NRG3: variants seen among roughly 807,000 people sequenced by gnomAD.
NRG3 encodes the protein neuregulin 3, also known as pro-neuregulin-3, membrane-bound isoform.
Under a neutral mutation model 66.9 loss-of-function variants are expected in NRG3, and 31 were observed. The ratio of observed to expected loss-of-function variants is 0.46; its 90% CI spans 0.35 to 0.63. The LOEUF (loss-of-function observed/expected upper bound fraction) is 0.63. Among genes scored for constraint, NRG3 ranks in the 20% least tolerant of loss-of-function variants. The pLI, the probability that NRG3 is intolerant of heterozygous loss-of-function variation, is 0.00. For synonymous variants in NRG3, 393 were observed against 359.4 expected, an observed-to-expected ratio of 1.09 and a Z score of -1.06; for missense variants, 910 against 878.9, an observed-to-expected ratio of 1.04 and a Z score of -0.45.
intron 2 of NRG3, among the ~76,000 whole-genome samples, chr10:82,360,312 C>T (rs144503622): frequency 1.3e-5 from 2 of 152,164 alleles, no homozygotes; most frequent in Non-Finnish European, 2.9e-5. Context: ...TCCTTCAAAG[C>T]GTGATGTGCA....
chr10:82,238,032 T>C (rs2076839390), intron 1 of NRG3, among the ~76,000 whole-genome samples: 1 of 152,204 alleles, frequency 6.6e-6, no homozygotes, highest in South Asian at 2.1e-4. Flanking sequence ...TCTGTAATCA[T>C]AAATTTGAAG....
At chr10:82,498,116 C>T (rs1477361114) in intron 2 of NRG3, among the ~76,000 whole-genome samples, 3 of 148,808 alleles carry the variant, frequency 2.0e-5, no homozygotes, top group African/African-American at 5.0e-5. Flanking sequence ...TGACTTGTGT[C>T]AGTTTTTAAA....
chr10:81,961,825 C>T (rs1850392026), intron 1 of NRG3, among the ~76,000 whole-genome samples: 1 of 152,258 alleles, frequency 6.6e-6, no homozygotes, highest in African/African-American at 2.4e-5. Context: ...TCTCTATGAA[C>T]TTGTCCCACA....
At chr10:82,603,733 CTG>C (rs77496923) in intron 2 of NRG3, among the ~76,000 whole-genome samples, 9,078 of 152,008 alleles carry the variant, frequency 0.06, 353 homozygotes, top group Non-Finnish European at 0.09. Context: ...TTCATGTGAA[CTG>C]TGTTAAAAAG....
chr10:82,386,748 CA>C (rs2135917739), intron 2 of NRG3, among the ~76,000 whole-genome samples: 1 of 152,206 alleles, frequency 6.6e-6, no homozygotes, highest in South Asian at 2.1e-4. Flanking sequence ...TTATTCTAAA[CA>C]CAGGAGTTAG....
intron 1 of NRG3, among the ~76,000 whole-genome samples, chr10:81,994,175 A>G (rs748048644): frequency 9.9e-5 from 15 of 151,916 alleles, no homozygotes; most frequent in Non-Finnish European, 7.4e-5. Flanking sequence ...ATTTTTTACA[A>G]TCAAACATAG....
At chr10:82,908,262 C>T (rs1033311859) in intron 4 of NRG3, among the ~76,000 whole-genome samples, 1 of 152,208 alleles carries the variant, frequency 6.6e-6, no homozygotes, top group African/African-American at 2.4e-5. Context: ...AAGTTTGCAA[C>T]TGGTGCAGGA....
intron 2 of NRG3, among the ~76,000 whole-genome samples, chr10:82,532,198 A>T (rs185784452): frequency 1.0e-3 from 153 of 151,756 alleles, no homozygotes; most frequent in Admixed American, 1.6e-3. Flanking sequence ...TTGTTAACTA[A>T]TGTTGCCCTA....
chr10:82,831,707 G>A (rs986658409), intron 3 of NRG3, among the ~76,000 whole-genome samples: 5 of 152,198 alleles, frequency 3.3e-5, no homozygotes, highest in Admixed American at 2.6e-4. Flanking sequence ...CCAGTTACTC[G>A]GGAGGCTGAG....
At chr10:82,439,499 T>C (rs1420514606) in intron 2 of NRG3, among the ~76,000 whole-genome samples, 1 of 152,028 alleles carries the variant, frequency 6.6e-6, no homozygotes, top group Non-Finnish European at 1.5e-5. Context: ...TTAAATTACC[T>C]TAGGATTTTT....
At chr10:81,970,109 C>A (rs146837161) in intron 1 of NRG3, among the ~76,000 whole-genome samples, 1 of 152,228 alleles carries the variant, frequency 6.6e-6, no homozygotes, top group African/African-American at 2.4e-5. Flanking sequence ...TTTTCCAAGA[C>A]CCAGTTGGAA....
intron 2 of NRG3, among the ~76,000 whole-genome samples, chr10:82,707,868 A>T (rs1009600331): frequency 1.5e-5 from 2 of 130,278 alleles, no homozygotes; most frequent in South Asian, 5.0e-4. Flanking sequence ...AAAAAAAAAA[A>T]AAAATTAGCC....
chr10:82,732,138 T>C (rs2134661621), intron 2 of NRG3, among the ~76,000 whole-genome samples: 1 of 152,272 alleles, frequency 6.6e-6, no homozygotes, highest in East Asian at 1.9e-4. Context: ...TATATAATTT[T>C]TATGTCATAA....
intron 7 of NRG3, among the ~76,000 whole-genome samples, chr10:82,974,627 G>A (rs1852074275): frequency 6.6e-6 from 1 of 152,146 alleles, no homozygotes; most frequent in Non-Finnish European, 1.5e-5. Flanking sequence ...AATCTTTATG[G>A]AAGTTGTCCG....
intron 1 of NRG3, among the ~76,000 whole-genome samples, chr10:82,228,273 G>C (rs887127919): frequency 7.9e-5 from 12 of 152,212 alleles, no homozygotes; most frequent in Non-Finnish European, 1.8e-4. Context: ...GGGTGTTGTA[G>C]AGTTGAATTC....
rs371697871 is a variant in NRG3 at position 82,344,526 on chromosome 10, G to A, written c.824-14213G>A. Among the ~76,000 whole-genome samples, 61 of 146,392 alleles carry A rather than the reference G, an allele frequency of 4.2e-4. 1 individual carries two copies. The East Asian group carries it at 0.011, about 25-fold the overall frequency. ...GTGAATAATGCCGCAATAAACATAC[G>A]TATGCATGTGTCTTTATAGCAGCAT... is the stretch of plus-strand genomic sequence containing the variant. On this transcript the variant is annotated intron_variant, in intron 1 of 8. Transcript: ENST00000372141.
rs373913585 is a variant in NRG3 at position 82,101,439 on chromosome 10, T to A, written c.823+225276T>A. 7.2e-5 allele frequency among the ~76,000 whole-genome samples: 11 copies of A among 152,004 alleles called. No homozygotes were observed. The South Asian group carries it at 2.1e-3, about 29-fold the overall frequency. On this transcript the variant is annotated intron_variant, in intron 1 of 8. Coordinates refer to ENST00000372141, the MANE Select transcript of NRG3 (RefSeq NM_001010848.4). The stretch of plus-strand genomic sequence containing the variant: ...TATGACAGTAGCTTAGGTTATTTAT[T>A]TTAGGGCTTTCTTATTTTCTAATAT...
intron 3 of NRG3, among the ~76,000 whole-genome samples, chr10:82,815,126 G>C (rs1177413739): frequency 6.6e-6 from 1 of 152,220 alleles, no homozygotes; most frequent in Non-Finnish European, 1.5e-5. Flanking sequence ...TAAGAGGTTG[G>C]CTTTGGTCAT....
At chr10:82,503,444 A>G (rs1370072043) in intron 2 of NRG3, among the ~76,000 whole-genome samples, 1 of 152,178 alleles carries the variant, frequency 6.6e-6, no homozygotes, top group East Asian at 1.9e-4. Flanking sequence ...TTTTACCTCC[A>G]CTTGGTAAGG....
Sources: gnomAD v4.1 joint callset for allele counts (sites outside exome capture counted in the v4.1 genomes callset) on GRCh38, gnomAD v4.1.1 for gene constraint, MANE v1.5 for transcripts, NCBI Gene and HGNC (gene_info 2026-07-23, HGNC 2026-07-21) for gene names.